The following VCL variants were observed in gnomAD, a reference collection of about 807,000 sequenced individuals.
The protein encoded by VCL is epididymis luminal protein 114.
Under a neutral mutation model 125.7 loss-of-function variants are expected in VCL, and 47 were observed. The ratio of observed to expected loss-of-function variants is 0.37; its 90% CI spans 0.30 to 0.48. The LOEUF (loss-of-function observed/expected upper bound fraction) is 0.48, where lower values mean the gene tolerates loss of function less well. Among genes scored for constraint, VCL ranks in the 20% least tolerant of loss-of-function variants. The pLI is 0.99. For synonymous variants in VCL, 458 were observed against 514.6 expected, an observed-to-expected ratio of 0.89 and a Z score of 1.49; for missense variants, 1,069 against 1,455.5, an observed-to-expected ratio of 0.73 and a Z score of 4.32.
rs192539095 is a variant in VCL, at chr10:74,056,647, A to C, written c.239+13494A>C. ...ATACTTGCTACTTGAATTAGATTAA[A>C]GCTTGTCATTGTACTCTGTGTTCCT... On this transcript the variant is annotated intron_variant, in intron 2 of 21. Transcript: ENST00000211998. Among the ~76,000 whole-genome samples the C allele has an allele frequency of 2.9e-4, 44 of 152,214 alleles. No individual in the cohort carries two copies. The East Asian group carries it at 5.0e-3, about 17-fold the overall frequency.
intron 1 of VCL, among the ~76,000 whole-genome samples, chr10:74,025,977 G>A (rs1471370204): frequency 1.3e-5 from 2 of 152,160 alleles, no homozygotes; most frequent in African/African-American, 4.8e-5. Context: ...TTTTATAAAT[G>A]AGCTTGAGGA....
At chr10:74,010,816 T>A (rs1349067938) in intron 1 of VCL, among the ~76,000 whole-genome samples, 3 of 152,108 alleles carry the variant, frequency 2.0e-5, no homozygotes, top group Non-Finnish European at 4.4e-5. Context: ...AAATATGAAA[T>A]GAAATAACTT....
intron 8 of VCL, among the ~76,000 whole-genome samples, chr10:74,084,268 A>G (rs893312786): frequency 3.4e-5 from 5 of 146,422 alleles, no homozygotes; most frequent in Non-Finnish European, 3.0e-5. Flanking sequence ...GCCTGACTTT[A>G]TTTAAAACAT....
At position 74,107,448 on chromosome 10, in the gene VCL, G is replaced by A. The variant is rs1840153751; in HGVS notation, c.2559+94G>A. 5 of 1,598,230 alleles carry A rather than the reference G, an allele frequency of 3.1e-6. No homozygotes were observed. In the East Asian group the frequency reaches 1.1e-4, roughly 36 times the overall value. ...TTGTGTTTTAGAGCCTCCATCACTA[G>A]GTGGCTTCGTTTAGCTTTCATTTGA... On this transcript the variant is annotated intron_variant, in intron 17 of 21. Coordinates refer to ENST00000211998, the MANE Select transcript of VCL (RefSeq NM_014000.3).
At chr10:74,036,809 G>A (rs1277827307) in intron 1 of VCL, among the ~76,000 whole-genome samples, 4 of 151,930 alleles carry the variant, frequency 2.6e-5, no homozygotes, top group Non-Finnish European at 4.4e-5. Context: ...AGTTGACCTC[G>A]AAGAATAACA....
At chr10:74,037,908 G>C (rs1841012708) in intron 1 of VCL, among the ~76,000 whole-genome samples, 2 of 152,228 alleles carry the variant, frequency 1.3e-5, no homozygotes. Context: ...GTAGCCACTA[G>C]CCGTAGGTGG....
chr10:74,052,311 A>G (rs1471505240), intron 2 of VCL, among the ~76,000 whole-genome samples: 2 of 148,134 alleles, frequency 1.4e-5, no homozygotes, highest in Admixed American at 6.7e-5. Context: ...TTTTTCTTCT[A>G]TAGCTTCTTA....
intron 1 of VCL, 30 bp from the exon 2 acceptor site, chr10:74,043,052 AT>A (rs756639647): frequency 2.5e-6 from 4 of 1,588,098 alleles, no homozygotes; most frequent in Non-Finnish European, 3.5e-6. Flanking sequence ...GAGAATTTAT[AT>A]TTGAATTATG....
In VCL at chr10:74,055,946, G is replaced by A. The variant is rs186205804; in HGVS notation, c.239+12793G>A. ...TCAGGTTTTAAAGGATTTAAAGATT[G>A]TGACTTATACACATCTTTAAAATAA... On this transcript the variant is annotated intron_variant, in intron 2 of 21. Transcript: ENST00000211998. Among the ~76,000 whole-genome samples the A allele has an allele frequency of 2.2e-4, 33 of 152,304 alleles. 1 individual carries two copies. In the East Asian group the frequency reaches 2.5e-3, roughly 12 times the overall value.
chr10:74,050,435 C>T (rs1841279317), intron 2 of VCL, among the ~76,000 whole-genome samples: 1 of 152,086 alleles, frequency 6.6e-6, no homozygotes, highest in South Asian at 2.1e-4. Flanking sequence ...TACAAATTTA[C>T]CATAATTTAT....
intron 8 of VCL, 79 bp from the exon 9 acceptor site, chr10:74,089,117 C>T: frequency 6.3e-7 from 1 of 1,593,214 alleles, no homozygotes; most frequent in Non-Finnish European, 8.6e-7. Flanking sequence ...ATGAAAACCA[C>T]ATGTACTGTG....
In VCL at chr10:74,097,972, T is replaced by G. The variant is rs564309608; in HGVS notation, c.1872+640T>G. Among the ~76,000 whole-genome samples, 1 of 152,316 alleles carries G rather than the reference T, an allele frequency of 6.6e-6. No homozygotes were observed. The highest frequency in any genetic ancestry group is 1.9e-4 in the East Asian group (1 of 5,180). On this transcript the variant is annotated intron_variant, in intron 13 of 21. Transcript: ENST00000211998. The surrounding 1 kb of genome is among the most constrained non-coding windows in gnomAD (Gnocchi z 4.1). ...TACTCCCACGGTGGCTGTTTCAACA[T>G]GAAGTCACTGAAACCTGAGTTGGGA...
intron 16 of VCL, among the ~76,000 whole-genome samples, chr10:74,106,894 A>G (rs1344208933): frequency 6.6e-6 from 1 of 152,218 alleles, no homozygotes; most frequent in Non-Finnish European, 1.5e-5. Context: ...TGAGTTGGGC[A>G]GGCTTATCTC....
At chr10:74,076,991 G>A (rs976619446) in intron 6 of VCL, 2 of 152,614 alleles carry the variant, frequency 1.3e-5, no homozygotes, top group African/African-American at 2.4e-5. Flanking sequence ...TTAAAAAAAT[G>A]TAGTCAGTTG....
Position 73,998,238 on chromosome 10 carries a change from A to G in VCL, c.31A>G (p.Ser11Gly), listed in dbSNP as rs397517240. Reference sequence around the variant, plus strand: ...AGTGTTTCATACGCGCACGATCGAGAGCATCCTGGAGCCGGTGGCACAGCA... The same window carrying G: ...AGTGTTTCATACGCGCACGATCGAGGGCATCCTGGAGCCGGTGGCACAGCA... MPVFHTRTIESILEPVAQQIS... is the reference protein window; with the variant it reads MPVFHTRTIEGILEPVAQQIS... Residue 11 changes from serine to glycine, a missense_variant, in exon 1 of 22, where the codon AGC becomes GGC. By Grantham distance (56) the Ser-to-Gly change is moderately conservative (BLOSUM62 0). Transcript: ENST00000211998. 6.2e-7 allele frequency: 1 copy of G among 1,612,842 alleles called. No homozygotes were observed. The highest frequency in any genetic ancestry group is 1.7e-5 in the Admixed American group (1 of 59,958).
chr10:74,018,027 T>C (rs1840584625), intron 1 of VCL, among the ~76,000 whole-genome samples: 1 of 149,990 alleles, frequency 6.7e-6, no homozygotes, highest in Non-Finnish European at 1.5e-5. Flanking sequence ...GGCGTGGTGG[T>C]GTATGCCTGT....
At chr10:74,098,673 T>C (rs1429473449) in intron 13 of VCL, among the ~76,000 whole-genome samples, 2 of 152,186 alleles carry the variant, frequency 1.3e-5, no homozygotes, top group Non-Finnish European at 2.9e-5. Context: ...TGAGAAGGGG[T>C]TTGGGTCAGG....
chr10:74,034,544 T>C (rs1361155716), intron 1 of VCL, among the ~76,000 whole-genome samples: 1 of 152,232 alleles, frequency 6.6e-6, no homozygotes, highest in African/African-American at 2.4e-5. Flanking sequence ...TGCATTACAC[T>C]GCATTGCCTT....
At chr10:74,047,691 T>A (rs944645421) in intron 2 of VCL, among the ~76,000 whole-genome samples, 3 of 152,196 alleles carry the variant, frequency 2.0e-5, no homozygotes, top group African/African-American at 4.8e-5. Context: ...TGTAGATAGA[T>A]TTATACCTAA....
Sources: allele counts gnomAD v4.1 joint callset (sites outside exome capture counted in the v4.1 genomes callset), GRCh38; gene constraint gnomAD v4.1.1; non-coding constraint Gnocchi (gnomAD v3.1); transcripts MANE v1.5; gene names NCBI Gene and HGNC (gene_info 2026-07-23, HGNC 2026-07-21).